The following CDH12 variants were observed in gnomAD, a reference collection of about 807,000 sequenced individuals.
CDH12 encodes cadherin 12.
A neutral mutation model predicts 74.1 loss-of-function variants in CDH12; 41 were observed. That is an observed-to-expected ratio of 0.55 (90% CI 0.43 to 0.72). The LOEUF (loss-of-function observed/expected upper bound fraction) is 0.72, where lower values mean the gene tolerates loss of function less well. Among genes scored for constraint, CDH12 ranks in the 30% least tolerant of loss-of-function variants. The pLI is 0.00. For synonymous variants in CDH12, 399 were observed against 355.0 expected, an observed-to-expected ratio of 1.12 and a Z score of -1.39; for missense variants, 945 against 977.2, an observed-to-expected ratio of 0.97 and a Z score of 0.44.
intron 1 of CDH12, among the ~76,000 whole-genome samples, chr5:22,685,499 G>A (rs566673379): frequency 6.6e-6 from 1 of 152,314 alleles, no homozygotes; most frequent in South Asian, 2.1e-4. Flanking sequence ...GCCTCCCAAA[G>A]TGCTGGGATT....
intron 1 of CDH12, among the ~76,000 whole-genome samples, chr5:22,555,642 T>A (rs1738770269): frequency 6.6e-6 from 1 of 152,014 alleles, no homozygotes; most frequent in South Asian, 2.1e-4. Flanking sequence ...TCTTTATCAT[T>A]TCGTGGTCAT....
chr5:22,289,908 T>A (rs1737309283), intron 3 of CDH12, among the ~76,000 whole-genome samples: 1 of 152,036 alleles, frequency 6.6e-6, no homozygotes, highest in Non-Finnish European at 1.5e-5. Flanking sequence ...AGGCTTCAGG[T>A]ATGCATGGAG....
At chr5:22,252,731 T>C (rs183023508) in intron 3 of CDH12, among the ~76,000 whole-genome samples, 1 of 152,124 alleles carries the variant, frequency 6.6e-6, no homozygotes, top group Admixed American at 6.6e-5. Flanking sequence ...TTATGTTTGC[T>C]ATTCTTTCTC....
At chr5:22,435,475 CAT>C (rs912739581) in intron 2 of CDH12, among the ~76,000 whole-genome samples, 4 of 143,214 alleles carry the variant, frequency 2.8e-5, no homozygotes, top group Admixed American at 7.1e-5. Flanking sequence ...TGTACACACA[CAT>C]ATATATGTAT....
At chr5:22,415,593 T>C (rs554169959) in intron 2 of CDH12, among the ~76,000 whole-genome samples, 1 of 152,210 alleles carries the variant, frequency 6.6e-6, no homozygotes, top group African/African-American at 2.4e-5. Flanking sequence ...TGTTGAAAAA[T>C]GAAAAACAAA....
intron 5 of CDH12, 60 bp from the exon 6 acceptor site, chr5:21,975,445 A>T: frequency 8.3e-7 from 1 of 1,199,804 alleles, no homozygotes; most frequent in South Asian, 1.6e-5. Flanking sequence ...AAAGAACACC[A>T]TTAAAAGGAT....
chr5:22,086,731 C>A (rs1157971500), intron 4 of CDH12, among the ~76,000 whole-genome samples: 1 of 149,788 alleles, frequency 6.7e-6, no homozygotes, highest in Admixed American at 6.7e-5. Context: ...GTATCTCCTA[C>A]AAGCCAAGAA....
chr5:22,545,803 C>G (rs139915477), intron 1 of CDH12, among the ~76,000 whole-genome samples: 8 of 151,978 alleles, frequency 5.3e-5, no homozygotes, highest in Admixed American at 5.2e-4. Flanking sequence ...CTGCTAAGTA[C>G]AAGGTGAAAT....
intron 5 of CDH12, among the ~76,000 whole-genome samples, chr5:21,987,463 G>A (rs1163278163): frequency 6.6e-6 from 1 of 152,120 alleles, no homozygotes; most frequent in Admixed American, 6.5e-5. Flanking sequence ...TTTCTCAAGA[G>A]AGAACAAGAG....
chr5:22,328,214 T>G (rs1739204575), intron 3 of CDH12, among the ~76,000 whole-genome samples: 1 of 152,196 alleles, frequency 6.6e-6, no homozygotes, highest in Non-Finnish European at 1.5e-5. Flanking sequence ...ACTAAATCAG[T>G]TTTTTAAAAA....
chr5:22,804,268 T>C (rs956317079), intron 1 of CDH12, among the ~76,000 whole-genome samples: 5 of 152,220 alleles, frequency 3.3e-5, no homozygotes, highest in Non-Finnish European at 7.3e-5. Context: ...ACACTGTTCC[T>C]ATGTTTAATA....
At chr5:22,843,928 T>C (rs903795151) in intron 1 of CDH12, among the ~76,000 whole-genome samples, 1 of 152,050 alleles carries the variant, frequency 6.6e-6, no homozygotes, top group Non-Finnish European at 1.5e-5. Flanking sequence ...CCACCAGCCT[T>C]GTCTCACTGT....
intron 1 of CDH12, among the ~76,000 whole-genome samples, chr5:22,836,379 A>G (rs1736828526): frequency 6.6e-6 from 1 of 150,966 alleles, no homozygotes; most frequent in African/African-American, 2.4e-5. Context: ...ATGCACCACC[A>G]TTCTCGGCTA....
At chr5:22,637,062 C>A (rs1358076949) in intron 1 of CDH12, among the ~76,000 whole-genome samples, 1 of 152,044 alleles carries the variant, frequency 6.6e-6, no homozygotes, top group Non-Finnish European at 1.5e-5. Context: ...GGTGGTTACC[C>A]CAATAGCTCT....
At chr5:22,703,357 C>A (rs560902655) in intron 1 of CDH12, among the ~76,000 whole-genome samples, 1 of 152,118 alleles carries the variant, frequency 6.6e-6, no homozygotes, top group African/African-American at 2.4e-5. Context: ...CTTGAATTTT[C>A]TTTTCTCTGA....
intron 1 of CDH12, among the ~76,000 whole-genome samples, chr5:22,510,583 C>T (rs545630853): frequency 6.6e-6 from 1 of 152,192 alleles, no homozygotes; most frequent in Non-Finnish European, 1.5e-5. Context: ...GTATCAAGAG[C>T]CACAGACGCT....
intron 6 of CDH12, among the ~76,000 whole-genome samples, chr5:21,953,277 C>T (rs1269991969): frequency 1.3e-5 from 2 of 152,112 alleles, no homozygotes; most frequent in East Asian, 1.9e-4. Context: ...ACTAAAGGAT[C>T]CCTAAAACCC....
At chr5:22,487,893 T>C (rs1219727194) in intron 2 of CDH12, among the ~76,000 whole-genome samples, 1 of 152,202 alleles carries the variant, frequency 6.6e-6, no homozygotes, top group Non-Finnish European at 1.5e-5. Context: ...TTTAACAACA[T>C]TATGTGCTTG....
At chr5:22,429,348 A>G (rs77217445) in intron 2 of CDH12, among the ~76,000 whole-genome samples, 2,002 of 151,934 alleles carry the variant, frequency 0.013, 37 homozygotes, top group African/African-American at 0.046. Context: ...CATGTTGCCC[A>G]GGTTGTTCTT....
Sources: allele counts gnomAD v4.1 joint callset (sites outside exome capture counted in the v4.1 genomes callset), GRCh38; gene constraint gnomAD v4.1.1; transcripts MANE v1.5; gene names NCBI Gene and HGNC (gene_info 2026-07-23, HGNC 2026-07-21).